ZDHHC5: variants seen among roughly 807,000 people sequenced by gnomAD.
The protein encoded by ZDHHC5 is palmitoyltransferase ZDHHC5.
ZDHHC5 carries 22 observed loss-of-function variants against 70.0 expected under a neutral mutation model. The observed-to-expected ratio is 0.31, with a 90% CI of 0.22 to 0.45. The LOEUF (loss-of-function observed/expected upper bound fraction) is 0.45, where lower values mean the gene tolerates loss of function less well. Ranked by LOEUF, ZDHHC5 falls within the 20% of genes least tolerant of loss-of-function variation. The pLI, the probability that ZDHHC5 is intolerant of heterozygous loss-of-function variation, is 1.00. For synonymous variants in ZDHHC5, 313 were observed against 347.8 expected (o/e 0.90, Z 1.11); for missense variants, 746 against 926.9 (o/e 0.80, Z 2.53).
At chr11:57,671,827 A>T (rs1946010276) in intron 1 of ZDHHC5, among the ~76,000 whole-genome samples, 194 bp from the exon 2 acceptor site, 1 of 152,190 alleles carries the variant, frequency 6.6e-6, no homozygotes, top group South Asian at 2.1e-4. Flanking sequence ...TTCCAATCTG[A>T]ACAGAGCAAA....
chr11:57,688,761 C>T (rs1946243991), intron 4 of ZDHHC5, 96 bp downstream of exon 4: 2 of 1,370,872 alleles, frequency 1.5e-6, no homozygotes, highest in Admixed American at 5.6e-5. Context: ...TGGTATAGTC[C>T]TGTCTAACTA....
intron 2 of ZDHHC5, among the ~76,000 whole-genome samples, chr11:57,674,546 G>A (rs1369726092): frequency 1.3e-5 from 2 of 152,044 alleles, no homozygotes; most frequent in African/African-American, 4.8e-5. Flanking sequence ...AGCAACATGA[G>A]GTTGCTGGAA....
intron 7 of ZDHHC5, 36 bp from the exon 8 acceptor site, chr11:57,693,747 C>G: frequency 6.6e-7 from 1 of 1,519,734 alleles, no homozygotes. Context: ...AAAGCTCTCT[C>G]GCTGTGTCTC....
At position 57,672,888 on chromosome 11, in the gene ZDHHC5, C is replaced by G. The variant is rs909592263; in HGVS notation, c.-203C>G. ...TTATTCATCATTTGGAATCACCTTT[C>G]CCCCTCCCATGTGCTTTCCTTCATT... On this transcript the variant is annotated 5_prime_UTR_variant, in exon 2 of 12. Coordinates refer to ENST00000287169, the MANE Select transcript of ZDHHC5 (RefSeq NM_015457.3). 1.9e-6 allele frequency: 1 copy of G among 526,046 alleles called. No individual in the cohort carries two copies. The highest frequency in any genetic ancestry group is 3.3e-5 in the East Asian group (1 of 30,190). 32.6% of individuals were successfully genotyped at this position (526,046 alleles called of 1,614,324 possible). A position where few individuals can be genotyped will look rare whatever the true frequency, so the allele number is the denominator to read the frequency against.
intron 1 of ZDHHC5, 54 bp downstream of exon 1, chr11:57,668,241 G>GT (rs1945949941): frequency 2.8e-6 from 1 of 350,900 alleles, no homozygotes; most frequent in Non-Finnish European, 5.1e-6. Flanking sequence ...TACCAGCGAG[G>GT]TGGGAGGGGA....
Position 57,673,038 on chromosome 11 carries a change from G to A in ZDHHC5, c.-53G>A, listed in dbSNP as rs919877079. The A allele has an allele frequency of 1.5e-4, 231 of 1,562,434 alleles. No individual in the cohort carries two copies. Among genetic ancestry groups the A allele is most frequent in the South Asian group, 5.7e-4 (51 of 89,786 alleles). ...CTCCCATTTTCTTGTCTGTTCTGCC[G>A]CTGTGTGGGCCTGGGCTATGCGGCA... On this transcript the variant is annotated 5_prime_UTR_variant, in exon 2 of 12. Transcript: ENST00000287169.
intron 8 of ZDHHC5, among the ~76,000 whole-genome samples, chr11:57,695,251 A>C (rs1946335120): frequency 6.6e-6 from 1 of 151,228 alleles, no homozygotes; most frequent in Non-Finnish European, 1.5e-5. Context: ...ACAAGACCGA[A>C]ACTCCATCTC....
chr11:57,699,437 C>T lies in ZDHHC5; in HGVS notation c.1982+19C>T, dbSNP rs755978439. On this transcript the variant is annotated intron_variant, in intron 11 of 11. Transcript: ENST00000287169. ...CACCCAAGTAAGTATTAGTACTATC[C>T]TGACCCTTAGCCAATTTCAAATTAG... is the stretch of plus-strand genomic sequence containing the variant. The T allele has an allele frequency of 3.9e-6, 6 of 1,530,158 alleles. No individual in the cohort carries two copies. The highest frequency in any genetic ancestry group is 5.3e-6 in the Non-Finnish European group (6 of 1,142,434). The allele number at this position is 1,530,158 out of a possible 1,614,324, so 94.8% of individuals were successfully genotyped here.
At chr11:57,685,887 C>T (rs1471140039) in intron 3 of ZDHHC5, among the ~76,000 whole-genome samples, 3 of 151,152 alleles carry the variant, frequency 2.0e-5, no homozygotes, top group Admixed American at 6.6e-5. Context: ...ATTAGCCGGG[C>T]GTGGTGGCGC....
chr11:57,696,528 C>A (rs567738904), intron 9 of ZDHHC5, among the ~76,000 whole-genome samples: 3 of 151,802 alleles, frequency 2.0e-5, no homozygotes, highest in African/African-American at 7.3e-5. Flanking sequence ...CCACCCTGGG[C>A]AACATAGCAA....
chr11:57,696,830 G>T lies in ZDHHC5; in HGVS notation c.1079G>T (p.Ser360Ile), dbSNP rs773135992. 1.2e-5 allele frequency: 20 copies of T among 1,613,946 alleles called. No individual in the cohort carries two copies. Among genetic ancestry groups the T allele is most frequent in the Non-Finnish European group, 1.4e-5 (17 of 1,179,942 alleles). The part of the protein sequence containing the change: ...TMYKYRPGYS[S>I]SSTSAAMPHS... ...TACAAGTATCGGCCGGGTTACAGTA[G>T]CAGCAGTACGTCAGCTGCCATGCCG... Residue 360 changes from serine to isoleucine, a missense_variant, in exon 10 of 12, where the codon AGC (serine) becomes ATC (isoleucine). Ser to Ile is a moderately radical substitution (Grantham distance 142). Transcript: ENST00000287169.
In ZDHHC5 at chr11:57,699,971, G is replaced by A. The variant is rs371222737; in HGVS notation, c.2088G>A (p.Thr696=). The change falls in exon 12 of 12, where the codon ACG becomes ACA. Residue 696 remains threonine, a synonymous_variant. Transcript: ENST00000287169. ...GCCAGCCACCTCTCAGTAGCCCCAC[G>A]AGGGGAGGAGTCAAGAAGGTGTCAG... The part of the protein sequence containing the change: ...GPGQPPLSSP[T]RGGVKKVSGV... 2 of 1,613,484 alleles carry A rather than the reference G, an allele frequency of 1.2e-6. No individual in the cohort carries two copies. Among genetic ancestry groups the A allele is most frequent in the Non-Finnish European group, 1.7e-6 (2 of 1,179,746 alleles).
At chr11:57,677,182 A>G (rs1946082854) in intron 2 of ZDHHC5, among the ~76,000 whole-genome samples, 1 of 144,848 alleles carries the variant, frequency 6.9e-6, no homozygotes, top group Non-Finnish European at 1.5e-5. Flanking sequence ...CAGCCTCCCA[A>G]AGTGCTGGGA....
intron 2 of ZDHHC5, among the ~76,000 whole-genome samples, chr11:57,680,204 G>C (rs909633574): frequency 2.6e-5 from 4 of 152,130 alleles, no homozygotes; most frequent in African/African-American, 4.8e-5. Context: ...GGGCAACATG[G>C]TGAAACCCTG....
intron 3 of ZDHHC5, among the ~76,000 whole-genome samples, chr11:57,688,084 G>C (rs933963780): frequency 6.6e-6 from 1 of 151,934 alleles, no homozygotes; most frequent in Admixed American, 6.6e-5. Flanking sequence ...CAAAGGATTC[G>C]TGCCTGGAAA....
In ZDHHC5 at chr11:57,672,469, A is replaced by G. The variant is rs1946018180; in HGVS notation, c.-622A>G. 1 of 377,154 alleles carries G rather than the reference A, an allele frequency of 2.7e-6. No individual in the cohort carries two copies. The highest frequency in any genetic ancestry group is 2.1e-5 in the African/African-American group (1 of 48,184). 23.4% of individuals were successfully genotyped at this position (377,154 alleles called of 1,614,324 possible). ...AGGGTGTGGGAGTGGTGGCATTGAG[A>G]AGACTACCTAAAAGAGACAAAGACT... is the stretch of plus-strand genomic sequence containing the variant. On this transcript the variant is annotated 5_prime_UTR_variant, in exon 2 of 12. Coordinates refer to ENST00000287169, the MANE Select transcript of ZDHHC5 (RefSeq NM_015457.3).
Position 57,698,604 on chromosome 11 carries a change from A to T in ZDHHC5, c.1168A>T (p.Ser390Cys), listed in dbSNP as rs776391664. The change falls in exon 11 of 12, where the codon AGC becomes TGC. Residue 390 changes from serine to cysteine, a missense_variant. Around this residue, in one of 6 missense-constraint regions of ZDHHC5, gnomAD observed 179 missense variants for 178.4 expected, o/e 1.00. Coordinates refer to ENST00000287169, the MANE Select transcript of ZDHHC5 (RefSeq NM_015457.3). Reference protein sequence around the residue: ...SLKEPTSIAESSRHPSYRSEP... With the variant: ...SLKEPTSIAECSRHPSYRSEP... ...GAAGGAGCCAACCTCAATTGCAGAG[A>T]GCAGCCGTCACCCCAGCTACCGCTC... is the stretch of plus-strand genomic sequence containing the variant. 2 of 1,613,400 alleles carry T rather than the reference A, an allele frequency of 1.2e-6. No individual in the cohort carries two copies. Among genetic ancestry groups the T allele is most frequent in the Non-Finnish European group, 1.7e-6 (2 of 1,179,606 alleles).
At chr11:57,673,632 G>A (rs1357042557) in intron 2 of ZDHHC5, among the ~76,000 whole-genome samples, 2 of 152,128 alleles carry the variant, frequency 1.3e-5, no homozygotes, top group Non-Finnish European at 2.9e-5. Context: ...GTGCAATGTC[G>A]CGGTCTCGGC....
chr11:57,688,513 G>C lies in ZDHHC5; in HGVS notation c.232G>C (p.Glu78Gln). 1 of 1,575,274 alleles carries C rather than the reference G, an allele frequency of 6.3e-7. No homozygotes were observed. Among genetic ancestry groups the C allele is most frequent in the South Asian group, 1.2e-5 (1 of 86,514 alleles). The change falls in exon 4 of 12, where the codon GAG becomes CAG. Residue 78 changes from glutamate (E) to glutamine (Q), a missense_variant. This residue lies in a region of ZDHHC5 where 89 missense variants were observed against 130.7 expected (regional missense o/e 0.68). Coordinates refer to ENST00000287169, the MANE Select transcript of ZDHHC5 (RefSeq NM_015457.3). ...TTGACTTTTCCTCTCTACAGCTGAG[G>C]AGGATGAGGACAAGGAAGATGATTT... ...MDPGIFPRAE[E>Q]DEDKEDDFRA...
Sources: gnomAD v4.1 joint callset for allele counts (sites outside exome capture counted in the v4.1 genomes callset) on GRCh38, gnomAD v4.1.1 for gene constraint, gnomAD v4.1.1 regional missense constraint, MANE v1.5 for transcripts, NCBI Gene and HGNC (gene_info 2026-07-23, HGNC 2026-07-21) for gene names.